STS: variants seen among roughly 807,000 people sequenced by gnomAD.
The protein encoded by STS is steroid sulfatase.
A neutral mutation model predicts 26.8 loss-of-function variants in STS; 7 were observed. The ratio of observed to expected loss-of-function variants is 0.26; its 90% CI spans 0.15 to 0.49. The LOEUF (loss-of-function observed/expected upper bound fraction) is 0.49, where lower values mean the gene tolerates loss of function less well. Among genes scored for constraint, STS ranks in the 20% least tolerant of loss-of-function variants. The pLI is 0.98. For synonymous variants in STS, 199 were observed against 189.4 expected, an observed-to-expected ratio of 1.05 and a Z score of -0.42; for missense variants, 434 against 465.6, an observed-to-expected ratio of 0.93 and a Z score of 0.63.
intron 7 of STS, among the ~76,000 whole-genome samples, chrX:7,277,646 C>A (rs377537450): frequency 4.1e-4 from 46 of 111,129 alleles, no homozygotes; most frequent in African/African-American, 1.5e-3. Flanking sequence ...TTCTTTTTTT[C>A]TCTAATAGTC....
At chrX:7,163,108 T>C (rs1377292452) in intron 1 of STS, among the ~76,000 whole-genome samples, 1 of 102,588 alleles carries the variant, frequency 9.7e-6, no homozygotes, top group Non-Finnish European at 2.0e-5. Flanking sequence ...TAGAGCAGGG[T>C]TTTTCAACCT....
intron 10 of STS, among the ~76,000 whole-genome samples, chrX:7,349,497 G>A (rs1928690953): frequency 1.9e-5 from 2 of 106,454 alleles, no homozygotes; most frequent in Non-Finnish European, 3.9e-5. Flanking sequence ...CACAACACCT[G>A]GCTAATTTTT....
chrX:7,180,271 G>A (rs1358835017), intron 1 of STS, among the ~76,000 whole-genome samples: 1 of 111,492 alleles, frequency 9.0e-6, no homozygotes, highest in Non-Finnish European at 1.9e-5. Flanking sequence ...CGATCCCATC[G>A]GGGGGTGATG....
At chrX:7,233,093 T>A (rs1313429802) in intron 2 of STS, among the ~76,000 whole-genome samples, 2 of 44,260 alleles carry the variant, frequency 4.5e-5, no homozygotes, top group Non-Finnish European at 1.0e-4. Context: ...CTTTTTTTCT[T>A]TTTTTTTTTT....
At chrX:7,163,356 T>G (rs764294337) in intron 1 of STS, among the ~76,000 whole-genome samples, 33 of 112,808 alleles carry the variant, frequency 2.9e-4, no homozygotes, top group African/African-American at 9.3e-4. Flanking sequence ...GCATCTGGGA[T>G]CACAGAAGAG....
chrX:7,342,575 T>C (rs986298892), intron 10 of STS, among the ~76,000 whole-genome samples: 2 of 112,543 alleles, frequency 1.8e-5, no homozygotes, highest in African/African-American at 6.5e-5. Flanking sequence ...CCACCAGAGC[T>C]GCTTCCTCAT....
chrX:7,157,241 C>G (rs1383457880), intron 1 of STS, among the ~76,000 whole-genome samples: 3 of 111,726 alleles, frequency 2.7e-5, no homozygotes, highest in African/African-American at 9.8e-5. Flanking sequence ...TATCAAGCCT[C>G]GATCTTTGCT....
intron 8 of STS, among the ~76,000 whole-genome samples, chrX:7,309,625 G>A (rs1025950751): frequency 1.4e-4 from 16 of 110,850 alleles, no homozygotes; most frequent in South Asian, 3.8e-4. Flanking sequence ...GGCTAAATTT[G>A]GTAGAATGGC....
chrX:7,164,245 A>G (rs1933305224), intron 1 of STS, among the ~76,000 whole-genome samples: 1 of 111,898 alleles, frequency 8.9e-6, no homozygotes, highest in African/African-American at 3.2e-5. Flanking sequence ...CTGCATTCTG[A>G]CACACACCTT....
chrX:7,303,713 C>G (rs1016950988), intron 7 of STS, among the ~76,000 whole-genome samples: 1 of 111,853 alleles, frequency 8.9e-6, no homozygotes, highest in African/African-American at 3.2e-5. Flanking sequence ...TGTACATTGT[C>G]TACCTCTAGT....
At chrX:7,275,914 T>A (rs754321708) in intron 6 of STS, 37 bp from the exon 7 acceptor site, 37 of 1,149,534 alleles carry the variant, frequency 3.2e-5, no homozygotes, top group South Asian at 5.8e-5. Flanking sequence ...TTATCTGTGG[T>A]CTTTTTTTTC....
chrX:7,286,204 C>T (rs1925126366), intron 7 of STS, among the ~76,000 whole-genome samples: 1 of 111,443 alleles, frequency 9.0e-6, no homozygotes, highest in African/African-American at 3.3e-5. Flanking sequence ...TCCTAAATCA[C>T]ACTTTTTAAA....
rs182163951 is a variant in STS at position 7,253,537 on chromosome X, A to T, written c.137+201A>T. Reference sequence around the variant, plus strand: ...TTTATCTGTTTGACTATGAACAGGGAGCTGGATGAGCTCAGGGAGATCACT... The same window carrying T: ...TTTATCTGTTTGACTATGAACAGGGTGCTGGATGAGCTCAGGGAGATCACT... On this transcript the variant is annotated intron_variant, in intron 3 of 10. Coordinates refer to ENST00000674429, the MANE Select transcript of STS (RefSeq NM_001320752.2). Among the ~76,000 whole-genome samples the T allele has an allele frequency of 9.9e-4, 111 of 112,287 alleles. 1 individual carries two copies. The highest frequency in any genetic ancestry group is 1.7e-3 in the Non-Finnish European group (89 of 53,242).
At chrX:7,199,672 T>G (rs1335620104) in intron 2 of STS, among the ~76,000 whole-genome samples, 1 of 111,468 alleles carries the variant, frequency 9.0e-6, no homozygotes, top group Non-Finnish European at 1.9e-5. Flanking sequence ...GTCAACTTTA[T>G]TTATTTCAAG....
chrX:7,252,588 CAAAG>C (rs1195065446), intron 2 of STS, among the ~76,000 whole-genome samples: 19 of 111,718 alleles, frequency 1.7e-4, no homozygotes, highest in Admixed American at 1.6e-3. Flanking sequence ...GGGTCTAACT[CAAAG>C]GAAGCAGGTT....
intron 2 of STS, among the ~76,000 whole-genome samples, chrX:7,240,521 GTGTGTGTGTGTGTATA>G (rs1282053685): frequency 3.8e-5 from 1 of 26,468 alleles, no homozygotes; most frequent in African/African-American, 1.1e-4. Context: ...GTGTGTGTGT[GTGTGTGTGTGTGTATA>G]TATATATATA....
At chrX:7,256,250 T>C (rs1305959063) in intron 3 of STS, among the ~76,000 whole-genome samples, 2 of 111,604 alleles carry the variant, frequency 1.8e-5, no homozygotes, top group Non-Finnish European at 3.8e-5. Context: ...CTAAATGACT[T>C]CCCAAAATGT....
At chrX:7,301,170 C>T (rs1165895179) in intron 7 of STS, among the ~76,000 whole-genome samples, 2 of 109,801 alleles carry the variant, frequency 1.8e-5, no homozygotes, top group African/African-American at 6.6e-5. Context: ...AGGGGATTGC[C>T]TGAGCCCAAG....
chrX:7,304,695 G>A (rs1926130367), intron 7 of STS, among the ~76,000 whole-genome samples: 1 of 112,083 alleles, frequency 8.9e-6, no homozygotes, highest in East Asian at 2.8e-4. Context: ...CAGCTGGTGA[G>A]AACAACCTTT....
Sources: allele counts gnomAD v4.1 joint callset (sites outside exome capture counted in the v4.1 genomes callset), GRCh38; gene constraint gnomAD v4.1.1; transcripts MANE v1.5; gene names NCBI Gene and HGNC (gene_info 2026-07-23, HGNC 2026-07-21).